Variants in FUT8 observed in about 807,000 individuals in gnomAD.
FUT8 encodes fucosyltransferase 8.
In FUT8, 29 loss-of-function variants were observed where a neutral mutation model predicts 71.3. That is an observed-to-expected ratio of 0.41 (90% CI 0.30 to 0.55). The LOEUF is 0.55. FUT8 is among the 20% of genes least tolerant of loss of function. The pLI is 0.34. For missense variants in FUT8, 544 were observed against 702.1 expected, an observed-to-expected ratio of 0.77 and a Z score of 2.55; for synonymous variants, 254 against 239.3, an observed-to-expected ratio of 1.06 and a Z score of -0.57.
In FUT8 at chr14:65,467,036, A is replaced by G. The variant is rs2066055112; in HGVS notation, c.-228+11318A>G. 6.6e-6 allele frequency among the ~76,000 whole-genome samples: 1 copy of G among 152,146 alleles called. No homozygotes were observed. The highest frequency in any genetic ancestry group is 1.5e-5 in the Non-Finnish European group (1 of 68,016). ...ATGAATTAAGGATCAGAAAAACAAAAGATTTAGTTTTACCTTTATTTTTTT... is the reference window on the plus strand; with the variant it reads ...ATGAATTAAGGATCAGAAAAACAAAGGATTTAGTTTTACCTTTATTTTTTT... On this transcript the variant is annotated intron_variant, in intron 2 of 10. Transcript: ENST00000673929. This position sits in a 1 kb window ranked among gnomAD's most constrained non-coding sequence, Gnocchi z 4.1.
At chr14:65,605,129 A>AT (rs1888510129) in intron 3 of FUT8, among the ~76,000 whole-genome samples, 1 of 151,964 alleles carries the variant, frequency 6.6e-6, no homozygotes, top group Non-Finnish European at 1.5e-5. Context: ...TTTATTCTCT[A>AT]TTAATGGACA....
In FUT8 at chr14:65,675,717, C is replaced by T. The variant is rs543037421; in HGVS notation, c.835+6237C>T. On this transcript the variant is annotated intron_variant, in intron 7 of 10. Coordinates refer to ENST00000673929, the MANE Select transcript of FUT8 (RefSeq NM_001371533.1). ...TAGATGTAATAAGAGAGGCCGGGCGCGGTGGCTCACGCCTGTAATCCCAGT... is the reference window on the plus strand; with the variant it reads ...TAGATGTAATAAGAGAGGCCGGGCGTGGTGGCTCACGCCTGTAATCCCAGT... Among the ~76,000 whole-genome samples, 13 of 152,108 alleles carry T rather than the reference C, an allele frequency of 8.5e-5. 1 individual carries two copies. In the South Asian group the frequency reaches 1.5e-3, roughly 17 times the overall value.
chr14:65,374,055 C>T, the FUT8 span, among the ~76,000 whole-genome samples: 1 of 152,230 alleles, frequency 6.6e-6, no homozygotes, highest in African/African-American at 2.4e-5. Context: ...CAGTTGCCCC[C>T]AAAGGCTGAG....
At chr14:65,646,888 A>G (rs117515449) in intron 6 of FUT8, among the ~76,000 whole-genome samples, 2 of 152,194 alleles carry the variant, frequency 1.3e-5, no homozygotes, top group African/African-American at 4.8e-5. Flanking sequence ...TGAACATGAT[A>G]ATTCTCACAC....
At chr14:65,410,659 C>T (rs1192353432), upstream of FUT8, 1 of 138,652 alleles carries the variant, frequency 7.2e-6, no homozygotes, top group African/African-American at 2.7e-5. Context: ...AAAAATGGAA[C>T]ACCAGACAAA....
intron 7 of FUT8, among the ~76,000 whole-genome samples, chr14:65,678,068 T>C (rs779645914): frequency 1.3e-5 from 2 of 152,236 alleles, no homozygotes; most frequent in Non-Finnish European, 2.9e-5. Context: ...AGAGTTGTTA[T>C]GAGCATTCAG....
intron 2 of FUT8, among the ~76,000 whole-genome samples, chr14:65,484,063 A>G (rs2066372674): frequency 6.6e-6 from 1 of 152,190 alleles, no homozygotes; most frequent in Non-Finnish European, 1.5e-5. Flanking sequence ...TTACTAATGT[A>G]TAAGAATGCA....
chr14:65,582,481 C>T (rs1268076211), intron 3 of FUT8, among the ~76,000 whole-genome samples: 1 of 152,162 alleles, frequency 6.6e-6, no homozygotes, highest in Admixed American at 6.5e-5. Flanking sequence ...ACACATTTTA[C>T]TATTTTACTG....
intron 5 of FUT8, among the ~76,000 whole-genome samples, chr14:65,620,447 A>T (rs1330749331): frequency 1.3e-5 from 2 of 152,162 alleles, no homozygotes; most frequent in Non-Finnish European, 2.9e-5. Flanking sequence ...ATTGTGGGGG[A>T]TTATGTAACA....
intron 1 of FUT8, among the ~76,000 whole-genome samples, chr14:65,424,191 T>A (rs999467557): frequency 2.0e-5 from 3 of 152,216 alleles, no homozygotes; most frequent in Non-Finnish European, 4.4e-5. Flanking sequence ...ACTGCTTGCT[T>A]GGAGATGATT....
chr14:65,371,283 T>A, the FUT8 span, among the ~76,000 whole-genome samples: 1 of 152,238 alleles, frequency 6.6e-6, no homozygotes, highest in African/African-American at 2.4e-5. Flanking sequence ...GTTTATCTGA[T>A]GCCCTATCAC....
intron 2 of FUT8, among the ~76,000 whole-genome samples, chr14:65,524,170 G>T (rs565378326): frequency 9.8e-5 from 15 of 152,304 alleles, no homozygotes; most frequent in African/African-American, 2.9e-4. Context: ...GGGCAGTATG[G>T]CCATTTTCAC....
chr14:65,526,368 G>C (rs1323342193), intron 2 of FUT8, among the ~76,000 whole-genome samples: 2 of 152,152 alleles, frequency 1.3e-5, no homozygotes, highest in Admixed American at 6.5e-5. Context: ...TGTTTTATCA[G>C]AGAGTAGGAT....
chr14:65,528,499 G>T (rs1228265677), intron 2 of FUT8, among the ~76,000 whole-genome samples: 1 of 152,192 alleles, frequency 6.6e-6, no homozygotes, highest in East Asian at 1.9e-4. Flanking sequence ...GAGCTTCCCA[G>T]GTGAAGCGAT....
intron 3 of FUT8, among the ~76,000 whole-genome samples, chr14:65,583,672 A>G (rs1887210703): frequency 1.3e-5 from 2 of 152,146 alleles, no homozygotes; most frequent in Admixed American, 6.5e-5. Context: ...TGCTGAGTCA[A>G]ATGCAATTAA....
chr14:65,486,076 T>C (rs2066405906), intron 2 of FUT8, among the ~76,000 whole-genome samples: 1 of 152,168 alleles, frequency 6.6e-6, no homozygotes. Flanking sequence ...TTTTAAAACT[T>C]TTTTTCCCAT....
chr14:65,715,286 A>G (rs1894997939), intron 7 of FUT8, among the ~76,000 whole-genome samples: 1 of 152,200 alleles, frequency 6.6e-6, no homozygotes, highest in Admixed American at 6.5e-5. Context: ...TTTATCATGA[A>G]GAGATCTTGA....
chr14:65,447,686 A>G (rs991931493), intron 1 of FUT8, among the ~76,000 whole-genome samples: 2 of 152,082 alleles, frequency 1.3e-5, no homozygotes, highest in Non-Finnish European at 2.9e-5. Context: ...AAGCTGAAAA[A>G]TTCTAATGGC....
chr14:65,590,170 T>C (rs1887614204), intron 3 of FUT8, among the ~76,000 whole-genome samples: 1 of 152,218 alleles, frequency 6.6e-6, no homozygotes, highest in Non-Finnish European at 1.5e-5. Flanking sequence ...ATTTTTTTTC[T>C]TCATAACCTT....
Sources: gnomAD v4.1 joint callset for allele counts (sites outside exome capture counted in the v4.1 genomes callset) on GRCh38, gnomAD v4.1.1 for gene constraint, Gnocchi (gnomAD v3.1) non-coding constraint, MANE v1.5 for transcripts, NCBI Gene and HGNC (gene_info 2026-07-23, HGNC 2026-07-21) for gene names.